Variants in TFDP2 observed in about 807,000 individuals in gnomAD.
TFDP2 encodes transcription factor Dp-2 (E2F dimerization partner 2).
In TFDP2, 17 loss-of-function variants were observed where a neutral mutation model predicts 59.3. The ratio of observed to expected loss-of-function variants is 0.29; its 90% confidence interval spans 0.20 to 0.43. The LOEUF is 0.43. Ranked by LOEUF, TFDP2 falls within the 20% of genes least tolerant of loss-of-function variation. The pLI, the probability that TFDP2 is intolerant of heterozygous loss-of-function variation, is 1.00. For synonymous variants in TFDP2, 180 were observed against 194.7 expected (o/e 0.92, Z 0.63); for missense variants, 391 against 528.8 (o/e 0.74, Z 2.56).
chr3:141,958,673 CT>C (rs964997142), intron 11 of TFDP2, among the ~76,000 whole-genome samples: 1 of 152,124 alleles, frequency 6.6e-6, no homozygotes, highest in African/African-American at 2.4e-5. Context: ...CGTAAACAAC[CT>C]TTGTATCTAC....
At chr3:142,092,392 T>C (rs557155020) in intron 3 of TFDP2, among the ~76,000 whole-genome samples, 1 of 152,256 alleles carries the variant, frequency 6.6e-6, no homozygotes, top group Admixed American at 6.5e-5. Flanking sequence ...AGTGGCATGA[T>C]TATGGCTCAC....
At chr3:142,094,209 A>G (rs2061089797) in intron 2 of TFDP2, among the ~76,000 whole-genome samples, 2 of 152,166 alleles carry the variant, frequency 1.3e-5, no homozygotes, top group South Asian at 4.1e-4. Flanking sequence ...TACTTTTTGT[A>G]AGCATTGAAG....
intron 2 of TFDP2, among the ~76,000 whole-genome samples, chr3:142,097,238 TAC>T (rs1208382313): frequency 1.3e-5 from 2 of 152,222 alleles, no homozygotes; most frequent in African/African-American, 4.8e-5. Flanking sequence ...TAAAAAATTA[TAC>T]ACACTTTGGC....
chr3:142,146,256 G>C (rs1440715560), intron 1 of TFDP2, among the ~76,000 whole-genome samples: 1 of 152,110 alleles, frequency 6.6e-6, no homozygotes, highest in African/African-American at 2.4e-5. Flanking sequence ...AGAATTGAGA[G>C]AGTATGACTT....
At chr3:142,088,055 A>G (rs1439133638) in intron 3 of TFDP2, among the ~76,000 whole-genome samples, 1 of 152,212 alleles carries the variant, frequency 6.6e-6, no homozygotes, top group East Asian at 1.9e-4. Flanking sequence ...TTTGTAATCT[A>G]TCTTCCTCAC....
chr3:142,108,346 A>T (rs1039473115), intron 1 of TFDP2, among the ~76,000 whole-genome samples: 1 of 151,842 alleles, frequency 6.6e-6, no homozygotes, highest in African/African-American at 2.4e-5. Context: ...AGTAGCTAGG[A>T]TTACAGGAGC....
intron 6 of TFDP2, among the ~76,000 whole-genome samples, chr3:141,992,598 A>C (rs1427189788): frequency 6.6e-6 from 1 of 152,230 alleles, no homozygotes; most frequent in Non-Finnish European, 1.5e-5. Flanking sequence ...TCTGTTAGAG[A>C]GTAAAGAACA....
intron 3 of TFDP2, among the ~76,000 whole-genome samples, chr3:142,055,299 G>A (rs2059703393): frequency 1.3e-5 from 2 of 152,156 alleles, no homozygotes; most frequent in African/African-American, 2.4e-5. Flanking sequence ...TATGTACTTG[G>A]ATGAGAATCT....
At chr3:141,977,089 C>CATATATATATATATATATATATATAT (rs1275287133) in intron 7 of TFDP2, among the ~76,000 whole-genome samples, 6 of 110,944 alleles carry the variant, frequency 5.4e-5, no homozygotes, top group African/African-American at 2.1e-4. Context: ...CAGTCATAGC[C>CATATATATATATATATATATATATAT]ATATATATAT....
At chr3:142,097,577 G>A (rs2061199204) in intron 2 of TFDP2, among the ~76,000 whole-genome samples, 1 of 152,044 alleles carries the variant, frequency 6.6e-6, no homozygotes, top group Non-Finnish European at 1.5e-5. Flanking sequence ...TTCCGCTACT[G>A]GAGAGGCTGA....
rs181193903 is a variant in TFDP2, at chr3:142,042,326, T to C, written c.83-36782A>G. 9.9e-4 allele frequency among the ~76,000 whole-genome samples: 151 copies of C among 152,094 alleles called. 1 individual carries two copies. The highest frequency in any genetic ancestry group is 3.6e-3 in the African/African-American group (148 of 41,492). ...TTTTTTTTTTGAGATGAAGTCTCGC[T>C]CTGTCACCAGGCTGGAGTGTTGTGG... On this transcript the variant is annotated intron_variant, in intron 3 of 12. Coordinates refer to ENST00000489671, the MANE Select transcript of TFDP2 (RefSeq NM_001178139.2).
At chr3:142,100,767 G>C (rs192880243) in intron 2 of TFDP2, among the ~76,000 whole-genome samples, 204 of 152,284 alleles carry the variant, frequency 1.3e-3, no homozygotes, top group Admixed American at 5.4e-3. Context: ...CACCATCCTG[G>C]CTGGGGAACT....
At chr3:142,118,657 C>G (rs2061929919) in intron 1 of TFDP2, among the ~76,000 whole-genome samples, 1 of 151,688 alleles carries the variant, frequency 6.6e-6, no homozygotes, top group Non-Finnish European at 1.5e-5. Flanking sequence ...AAAATAAAAA[C>G]TAAATTATAA....
intron 3 of TFDP2, among the ~76,000 whole-genome samples, chr3:142,088,583 T>C (rs1366940133): frequency 1.3e-5 from 2 of 150,932 alleles, no homozygotes; most frequent in Admixed American, 1.3e-4. Context: ...ATTATAGGTG[T>C]GAGCCACTGC....
intron 3 of TFDP2, among the ~76,000 whole-genome samples, chr3:142,060,713 T>C (rs2059890830): frequency 6.6e-6 from 1 of 152,164 alleles, no homozygotes; most frequent in Non-Finnish European, 1.5e-5. Context: ...TTCTGAGAAC[T>C]ACACATGGAG....
chr3:141,967,007 C>T (rs1004970829), intron 9 of TFDP2, among the ~76,000 whole-genome samples: 1 of 151,820 alleles, frequency 6.6e-6, no homozygotes, highest in African/African-American at 2.4e-5. Flanking sequence ...ACCTCCGCCT[C>T]CCGGGTTCAA....
intron 3 of TFDP2, among the ~76,000 whole-genome samples, chr3:142,069,105 G>A (rs924814300): frequency 2.0e-5 from 3 of 151,638 alleles, no homozygotes; most frequent in Non-Finnish European, 1.5e-5. Context: ...TAGTAGAGAC[G>A]AGGTTTCATC....
At chr3:142,085,497 A>T (rs1206136496) in intron 3 of TFDP2, among the ~76,000 whole-genome samples, 1 of 152,172 alleles carries the variant, frequency 6.6e-6, no homozygotes, top group Non-Finnish European at 1.5e-5. Flanking sequence ...CACATAAAAA[A>T]TAATAAAAGA....
chr3:142,142,658 CA>C (rs1358979271), intron 1 of TFDP2, among the ~76,000 whole-genome samples: 2 of 152,126 alleles, frequency 1.3e-5, no homozygotes, highest in Non-Finnish European at 1.5e-5. Flanking sequence ...CTATCTTGAG[CA>C]AAAAGAACAA....
Sources: gnomAD v4.1 joint callset for allele counts (sites outside exome capture counted in the v4.1 genomes callset) on GRCh38, gnomAD v4.1.1 for gene constraint, MANE v1.5 for transcripts, NCBI Gene and HGNC (gene_info 2026-07-23, HGNC 2026-07-21) for gene names.